ARL15: variants seen among roughly 807,000 people sequenced by gnomAD.
ARL15 encodes ADP-ribosylation factor-like protein 15.
Under a neutral mutation model 25.2 loss-of-function variants are expected in ARL15, and 19 were observed. The observed-to-expected ratio is 0.75, with a 90% confidence interval of 0.53 to 1.10. The LOEUF (loss-of-function observed/expected upper bound fraction) is 1.10. Ranked by LOEUF, ARL15 falls within the 50% of genes least tolerant of loss-of-function variation. ARL15 has a pLI of 0.00. For synonymous variants in ARL15, 94 were observed against 86.8 expected, an observed-to-expected ratio of 1.08 and a Z score of -0.46; for missense variants, 220 against 246.0, an observed-to-expected ratio of 0.89 and a Z score of 0.71.
intron 1 of ARL15, among the ~76,000 whole-genome samples, chr5:54,229,781 C>T (rs954999807): frequency 1.3e-5 from 2 of 152,210 alleles, no homozygotes; most frequent in African/African-American, 4.8e-5. Context: ...CATTGCTCCA[C>T]ACCATAGGGG....
At chr5:54,093,664 T>C (rs1752196826) in intron 4 of ARL15, among the ~76,000 whole-genome samples, 1 of 150,138 alleles carries the variant, frequency 6.7e-6, no homozygotes, top group African/African-American at 2.5e-5. Context: ...AATTTAATAA[T>C]TTAAGTATAA....
At chr5:54,254,986 C>G (rs1757328451) in intron 1 of ARL15, among the ~76,000 whole-genome samples, 1 of 152,180 alleles carries the variant, frequency 6.6e-6, no homozygotes, top group Admixed American at 6.5e-5. Context: ...CCGTTGTGAT[C>G]TGAATGTTTT....
intron 4 of ARL15, among the ~76,000 whole-genome samples, chr5:53,957,028 T>C (rs1202232228): frequency 6.6e-6 from 1 of 151,220 alleles, no homozygotes; most frequent in Non-Finnish European, 1.5e-5. Flanking sequence ...AGAAAAAAAA[T>C]GATTTGAAGA....
intron 4 of ARL15, among the ~76,000 whole-genome samples, chr5:54,003,008 A>G (rs1011613693): frequency 2.0e-5 from 3 of 152,206 alleles, no homozygotes; most frequent in Admixed American, 6.5e-5. Context: ...ATTGGCCATT[A>G]GTAGTAGTCA....
intron 1 of ARL15, among the ~76,000 whole-genome samples, chr5:54,176,784 T>C (rs1050585557): frequency 1.3e-5 from 2 of 152,180 alleles, no homozygotes; most frequent in Non-Finnish European, 2.9e-5. Context: ...CTGGGTGCAA[T>C]ACATCATGCT....
chr5:53,946,343 G>A (rs1315471389), intron 4 of ARL15, among the ~76,000 whole-genome samples: 2 of 151,560 alleles, frequency 1.3e-5, no homozygotes, highest in Non-Finnish European at 1.5e-5. Context: ...CCAGCTCCCC[G>A]GGAGGCTGAG....
chr5:54,134,172 G>C (rs980299866), intron 3 of ARL15, among the ~76,000 whole-genome samples: 1 of 152,184 alleles, frequency 6.6e-6, no homozygotes, highest in African/African-American at 2.4e-5. Context: ...GGATCATTGT[G>C]AACCACCATG....
intron 2 of ARL15, among the ~76,000 whole-genome samples, chr5:54,156,344 T>C (rs1425320959): frequency 6.6e-6 from 1 of 152,246 alleles, no homozygotes; most frequent in Non-Finnish European, 1.5e-5. Context: ...CTTTCTCATC[T>C]GTAAAACAGG....
chr5:54,121,758 A>C (rs1753083057), intron 3 of ARL15, among the ~76,000 whole-genome samples: 1 of 152,194 alleles, frequency 6.6e-6, no homozygotes, highest in Non-Finnish European at 1.5e-5. Flanking sequence ...ATATCATCTA[A>C]GTAACATGAA....
At chr5:54,042,650 T>C (rs1750377653) in intron 4 of ARL15, among the ~76,000 whole-genome samples, 2 of 152,210 alleles carry the variant, frequency 1.3e-5, no homozygotes, top group Non-Finnish European at 2.9e-5. Flanking sequence ...ATACAGCTGA[T>C]GCTATTAACT....
intron 4 of ARL15, among the ~76,000 whole-genome samples, chr5:53,911,335 A>AT (rs1203251480): frequency 2.6e-5 from 4 of 152,054 alleles, no homozygotes; most frequent in Non-Finnish European, 4.4e-5. Context: ...TTACAACATC[A>AT]TTTTTTCAGA....
chr5:54,282,838 C>T (rs1247961528), intron 1 of ARL15, among the ~76,000 whole-genome samples: 1 of 152,166 alleles, frequency 6.6e-6, no homozygotes. Context: ...GATCCTTGGT[C>T]TCAGAATATC....
At chr5:54,086,327 A>C (rs772740039) in intron 4 of ARL15, among the ~76,000 whole-genome samples, 3 of 152,118 alleles carry the variant, frequency 2.0e-5, no homozygotes, top group Non-Finnish European at 2.9e-5. Flanking sequence ...ATCCCCTTTA[A>C]TTGCTTATTA....
intron 4 of ARL15, among the ~76,000 whole-genome samples, chr5:54,018,986 T>C (rs927478396): frequency 2.6e-5 from 4 of 152,230 alleles, no homozygotes; most frequent in Non-Finnish European, 4.4e-5. Flanking sequence ...TCAGATTCTT[T>C]ACGAATTTGG....
chr5:53,974,305 T>C (rs1006122074), intron 4 of ARL15, among the ~76,000 whole-genome samples: 4 of 152,226 alleles, frequency 2.6e-5, no homozygotes, highest in Admixed American at 2.6e-4. Context: ...AAGTCTCCTT[T>C]ACTTGTGACT....
chr5:54,264,414 C>T (rs1757571727), intron 1 of ARL15, among the ~76,000 whole-genome samples: 1 of 152,114 alleles, frequency 6.6e-6, no homozygotes, highest in African/African-American at 2.4e-5. Context: ...CCTAGGTTAG[C>T]CTATTCTCAA....
At chr5:54,257,140 G>A (rs1051341241) in intron 1 of ARL15, among the ~76,000 whole-genome samples, 9 of 152,018 alleles carry the variant, frequency 5.9e-5, no homozygotes, top group African/African-American at 1.2e-4. Flanking sequence ...TGGAAAAGAC[G>A]ATGTCAAACT....
At chr5:54,005,566 C>T (rs1749001957) in intron 4 of ARL15, among the ~76,000 whole-genome samples, 1 of 151,768 alleles carries the variant, frequency 6.6e-6, no homozygotes, top group African/African-American at 2.4e-5. Context: ...TCCGTCTCTA[C>T]TAAAAATACA....
rs1168141652 is a variant in ARL15 at position 53,884,247 on chromosome 5, A to G, written c.*2314T>C. 6.6e-6 allele frequency: 1 copy of G among 152,222 alleles called. No individual in the cohort carries two copies. The highest frequency in any genetic ancestry group is 1.5e-5 in the Non-Finnish European group (1 of 68,046). The allele number at this position is 152,222 out of a possible 1,614,324, so 9.4% of individuals were successfully genotyped here. A position where few individuals can be genotyped will look rare whatever the true frequency, so the allele number is the denominator to read the frequency against. On this transcript the variant is annotated 3_prime_UTR_variant, in exon 5 of 5. Transcript: ENST00000504924. ...AATATTACAAGAAGCTAGGTGAAGAAATACATAACAGACTGTTTTTCCTAT... is the reference window on the plus strand; with the variant it reads ...AATATTACAAGAAGCTAGGTGAAGAGATACATAACAGACTGTTTTTCCTAT...
Sources: gnomAD v4.1 joint callset for allele counts (sites outside exome capture counted in the v4.1 genomes callset) on GRCh38, gnomAD v4.1.1 for gene constraint, MANE v1.5 for transcripts, NCBI Gene and HGNC (gene_info 2026-07-23, HGNC 2026-07-21) for gene names.